ADGRV1: variants seen among roughly 807,000 people sequenced by gnomAD.
The protein encoded by ADGRV1 is adhesion G protein-coupled receptor V1.
ADGRV1 carries 359 observed loss-of-function variants against 596.2 expected under a neutral mutation model. The observed-to-expected ratio is 0.60, with a 90% CI of 0.55 to 0.66. ADGRV1 has a LOEUF of 0.66. Among genes scored for constraint, ADGRV1 ranks in the 30% least tolerant of loss-of-function variants. The pLI is 0.00. For synonymous variants in ADGRV1, 2,681 were observed against 2,679.2 expected (o/e 1.00, Z -0.02); for missense variants, 7,274 against 7,575.6 (o/e 0.96, Z 1.48).
intron 1 of ADGRV1, among the ~76,000 whole-genome samples, chr5:90,596,562 C>T (rs1257758947): frequency 1.3e-5 from 2 of 152,204 alleles, no homozygotes; most frequent in African/African-American, 4.8e-5. Flanking sequence ...CAGAGGCTGG[C>T]GGATCACTCG....
At chr5:91,063,335 C>A (rs2151364429) in intron 85 of ADGRV1, among the ~76,000 whole-genome samples, 1 of 152,254 alleles carries the variant, frequency 6.6e-6, no homozygotes, top group East Asian at 1.9e-4. Context: ...ACAGTGTTTA[C>A]CCCAAGATAA....
intron 59 of ADGRV1, among the ~76,000 whole-genome samples, chr5:90,767,262 C>T (rs531822559): frequency 6.6e-6 from 1 of 152,156 alleles, no homozygotes; most frequent in South Asian, 2.1e-4. Flanking sequence ...ATTTGTCAGT[C>T]GTTTTATAGT....
chr5:91,087,476 T>C (rs909994389), intron 86 of ADGRV1, among the ~76,000 whole-genome samples: 1 of 151,808 alleles, frequency 6.6e-6, no homozygotes, highest in African/African-American at 2.4e-5. Context: ...TTTTTTTTTT[T>C]TTTATGGTAG....
chr5:90,809,885 G>A (rs1762277316), intron 73 of ADGRV1, among the ~76,000 whole-genome samples: 1 of 152,202 alleles, frequency 6.6e-6, no homozygotes, highest in Admixed American at 6.5e-5. Context: ...CAGAGGTCCA[G>A]AACATTGTAG....
At chr5:90,773,186 A>G (rs986062487) in intron 59 of ADGRV1, among the ~76,000 whole-genome samples, 3 of 148,484 alleles carry the variant, frequency 2.0e-5, no homozygotes, top group African/African-American at 7.4e-5. Flanking sequence ...AAAAAAAAAT[A>G]CATTGAGTCT....
intron 72 of ADGRV1, 101 bp from the exon 73 acceptor site, chr5:90,807,501 G>A: frequency 2.6e-6 from 3 of 1,169,438 alleles, no homozygotes; most frequent in Non-Finnish European, 3.5e-6. Flanking sequence ...AACTATAATT[G>A]AATTTTGGAA....
chr5:90,775,174 T>G (rs1400146323), intron 60 of ADGRV1, among the ~76,000 whole-genome samples: 1 of 152,196 alleles, frequency 6.6e-6, no homozygotes, highest in Non-Finnish European at 1.5e-5. Flanking sequence ...ATTTCTTTTT[T>G]GCCATCAAGA....
chr5:90,820,607 C>T (rs1482857132), intron 75 of ADGRV1, among the ~76,000 whole-genome samples: 17 of 148,350 alleles, frequency 1.1e-4, no homozygotes, highest in African/African-American at 3.3e-4. Flanking sequence ...TTAGGGCAGG[C>T]CTGGTGGTGA....
chr5:91,087,248 T>C (rs756619220), intron 86 of ADGRV1, among the ~76,000 whole-genome samples: 12 of 152,176 alleles, frequency 7.9e-5, no homozygotes, highest in Non-Finnish European at 1.5e-4. Context: ...ATAGGGTATA[T>C]ACAAATATAT....
chr5:90,910,150 T>G (rs1772726968), intron 83 of ADGRV1, among the ~76,000 whole-genome samples: 1 of 152,246 alleles, frequency 6.6e-6, no homozygotes, highest in Admixed American at 6.5e-5. Context: ...TGTAAAGTGG[T>G]CAAGTGCCTT....
At chr5:90,710,119 T>C (rs1749140269) in intron 39 of ADGRV1, among the ~76,000 whole-genome samples, 1 of 152,180 alleles carries the variant, frequency 6.6e-6, no homozygotes, top group Non-Finnish European at 1.5e-5. Flanking sequence ...CTGGACAGTG[T>C]TGTTCTTTTC....
chr5:90,976,202 TTGTG>T (rs1325368283), intron 84 of ADGRV1, among the ~76,000 whole-genome samples: 2 of 135,332 alleles, frequency 1.5e-5, no homozygotes, highest in Non-Finnish European at 3.0e-5. Flanking sequence ...ACATGTGTTC[TTGTG>T]TGTGAGTGTG....
chr5:91,135,591 A>G (rs1794562065), intron 87 of ADGRV1, among the ~76,000 whole-genome samples: 1 of 152,202 alleles, frequency 6.6e-6, no homozygotes, highest in South Asian at 2.1e-4. Flanking sequence ...TAATTCATAG[A>G]AGCTGTTCCT....
chr5:90,933,705 G>A (rs566152409), intron 83 of ADGRV1, among the ~76,000 whole-genome samples: 6 of 152,204 alleles, frequency 3.9e-5, no homozygotes, highest in South Asian at 2.1e-4. Flanking sequence ...TGGTTCTCCC[G>A]GGAAGTTCTC....
Position 90,642,898 on chromosome 5 carries a change from T to C in ADGRV1, c.2410T>C (p.Ser804Pro). 6.2e-7 allele frequency: 1 copy of C among 1,610,856 alleles called. No individual in the cohort carries two copies. The highest frequency in any genetic ancestry group is 8.5e-7 in the Non-Finnish European group (1 of 1,178,496). The change falls in exon 13 of 90, where the codon TCC (serine) becomes CCC (proline). Residue 804 changes from serine to proline, a missense_variant. This residue lies in a region of ADGRV1 where 1,715 missense variants were observed against 1,708.8 expected (regional missense o/e 1.00). Transcript: ENST00000405460. ...VELHIIRSRG[S>P]LVKQFLHYRV... is the part of the protein sequence containing the mutation. ...GCTCCACATCATCCGATCAAGGGGG[T>C]CCCTTGTTAAGCAGTTTCTACACTA...
chr5:91,142,096 A>G (rs1198944263), intron 87 of ADGRV1, among the ~76,000 whole-genome samples: 2 of 152,234 alleles, frequency 1.3e-5, no homozygotes, highest in Non-Finnish European at 2.9e-5. Context: ...TTGAACAACT[A>G]CTGAAATACC....
At chr5:90,749,217 T>G (rs2149937626) in intron 52 of ADGRV1, among the ~76,000 whole-genome samples, 1 of 152,350 alleles carries the variant, frequency 6.6e-6, no homozygotes, top group Admixed American at 6.5e-5. Context: ...TCTTTCAATC[T>G]GTTCAGTAGA....
chr5:90,686,664 G>A lies in ADGRV1; in HGVS notation c.6490+669G>A, dbSNP rs560515837. ...AGCCTTTGCTATTGTGAATAGTGCC[G>A]CAATAAACATACGTGTGCATGTGTC... On this transcript the variant is annotated intron_variant, in intron 29 of 89. Transcript: ENST00000405460. Among the ~76,000 whole-genome samples, 35 of 152,168 alleles carry A rather than the reference G, an allele frequency of 2.3e-4. 1 individual carries two copies. The highest frequency in any genetic ancestry group is 6.7e-4 in the African/African-American group (28 of 41,490).
chr5:90,630,336 C>T (rs943600534), intron 9 of ADGRV1: 4 of 152,236 alleles, frequency 2.6e-5, no homozygotes, highest in African/African-American at 9.6e-5. Context: ...ATAATATACT[C>T]AAAAATCAAT....
Sources: allele counts gnomAD v4.1 joint callset (sites outside exome capture counted in the v4.1 genomes callset), GRCh38; gene constraint gnomAD v4.1.1; regional missense constraint gnomAD v4.1.1; transcripts MANE v1.5; gene names NCBI Gene and HGNC (gene_info 2026-07-23, HGNC 2026-07-21).